The following SPATA31A1 variants were observed in gnomAD, a reference collection of about 807,000 sequenced individuals.
SPATA31A1 encodes spermatogenesis-associated protein 31A1.
For synonymous variants in SPATA31A1, 194 were observed against 573.4 expected (o/e 0.34, Z 9.45); for missense variants, 579 against 1,476.3 (o/e 0.39, Z 9.96).
chr9:39,358,668 T>A lies in SPATA31A1; in HGVS notation c.903T>A (p.His301Gln). ...TTAACTCATCAGTCCAGCAAGATCA[T>A]CTTTCCCGCCACCCACCAGAGACCT... Reference protein sequence around the residue: ...CAFNSSVQQDHLSRHPPETYQ... With the variant: ...CAFNSSVQQDQLSRHPPETYQ... Residue 301 changes from histidine to glutamine, a missense_variant, in exon 4 of 4, where the codon CAT becomes CAA. His to Gln is a conservative substitution (Grantham distance 24). Coordinates refer to ENST00000377647, the MANE Select transcript of SPATA31A1 (RefSeq NM_001085452.4). 6.2e-7 allele frequency: 1 copy of A among 1,608,672 alleles called. No individual in the cohort carries two copies. Among genetic ancestry groups the A allele is most frequent in the Non-Finnish European group, 8.5e-7 (1 of 1,179,788 alleles).
At chr9:39,357,707 G>A in intron 2 of SPATA31A1, 51 bp from the exon 3 acceptor site, 1 of 1,296,426 alleles carries the variant, frequency 7.7e-7, no homozygotes, top group South Asian at 1.2e-5. Context: ...AGCCTCCTGT[G>A]AGAACCCAGG....
Position 39,361,382 on chromosome 9 carries a change from C to G in SPATA31A1, c.3617C>G (p.Ala1206Gly). Residue 1206 changes from alanine (A) to glycine (G), a missense_variant, in exon 4 of 4, where the codon GCT (alanine) becomes GGT (glycine). Physicochemically the swap from Ala to Gly is moderately conservative, Grantham distance 60 (BLOSUM62 0). Transcript: ENST00000377647. ...TGTGTGTACAGCAGCAGTGCTGAAG[C>G]TCAGGGTCTCATGACGGCAGTTGGA... is the stretch of plus-strand genomic sequence containing the variant. Reference protein sequence around the residue: ...RSCVYSSSAEAQGLMTAVGQM... With the variant: ...RSCVYSSSAEGQGLMTAVGQM... The G allele has an allele frequency of 6.2e-7, 1 of 1,613,630 alleles. No individual in the cohort carries two copies. The highest frequency in any genetic ancestry group is 8.5e-7 in the Non-Finnish European group (1 of 1,179,856).
intron 2 of SPATA31A1, chr9:39,357,525 G>A (rs987741223): frequency 8.0e-5 from 47 of 589,608 alleles, no homozygotes; most frequent in Middle Eastern, 4.6e-4. Context: ...TCCCCACAGG[G>A]CAGTTGTGAG....
Position 39,358,335 on chromosome 9 carries a change from C to T in SPATA31A1, c.570C>T (p.Ser190=). The change falls in exon 4 of 4, where the codon TCC becomes TCT. Residue 190 remains serine, a synonymous_variant. Coordinates refer to ENST00000377647, the MANE Select transcript of SPATA31A1 (RefSeq NM_001085452.4). The part of the protein sequence containing the change: ...SLSASQPPEP[S]LPLEHPSPEP... ...GTGCCTCCCAGCCACCAGAACCTTCCCTTCCCCTAGAACACCCCTCACCCG... is the reference window on the plus strand; with the variant it reads ...GTGCCTCCCAGCCACCAGAACCTTCTCTTCCCCTAGAACACCCCTCACCCG... The T allele has an allele frequency of 5.2e-6, 8 of 1,533,346 alleles. No individual in the cohort carries two copies. Among genetic ancestry groups the T allele is most frequent in the South Asian group, 4.6e-5 (4 of 87,126 alleles). The allele number at this position is 1,533,346 out of a possible 1,614,324, so 95.0% of individuals were successfully genotyped here.
At position 39,361,137 on chromosome 9, in the gene SPATA31A1, G is replaced by T. The variant is rs200083894; in HGVS notation, c.3372G>T (p.Arg1124Ser). The T allele has an allele frequency of 2.3e-5, 37 of 1,611,224 alleles. 1 individual carries two copies. Among genetic ancestry groups the T allele is most frequent in the Non-Finnish European group, 2.9e-5 (34 of 1,179,722 alleles). ...CCAACTTAGAAAAACATGAAGAAAG[G>T]CTTGAAGGATTGAGGACTCCTCAAC... ...RKPNLEKHEERLEGLRTPQLT... is the reference protein window; with the variant it reads ...RKPNLEKHEESLEGLRTPQLT... The change falls in exon 4 of 4, where the codon AGG becomes AGT. Residue 1124 changes from arginine (R) to serine (S), a missense_variant. Coordinates refer to ENST00000377647, the MANE Select transcript of SPATA31A1 (RefSeq NM_001085452.4).
At position 39,358,650 on chromosome 9, in the gene SPATA31A1, A is replaced by C; in HGVS notation, c.885A>C (p.Ser295=). Residue 295 remains serine, a synonymous_variant, in exon 4 of 4, where the codon TCA becomes TCC. Coordinates refer to ENST00000377647, the MANE Select transcript of SPATA31A1 (RefSeq NM_001085452.4). ...ETARTSCAFN[S]SVQQDHLSRH... is the part of the protein sequence containing the mutation. ...CCAGAACCTCGTGCGCCTTTAACTC[A>C]TCAGTCCAGCAAGATCATCTTTCCC... 6.2e-7 allele frequency: 1 copy of C among 1,607,360 alleles called. No homozygotes were observed. Among genetic ancestry groups the C allele is most frequent in the Non-Finnish European group, 8.5e-7 (1 of 1,179,624 alleles).
rs975817184 is a variant in SPATA31A1 at position 39,360,789 on chromosome 9, G to T, written c.3024G>T (p.Glu1008Asp). Reference sequence around the variant, plus strand: ...CAAGAAAGCTGTGTCTTATGGAGGAGGTTGTTAATGAATTTGAGCCTGGAA... The same window carrying T: ...CAAGAAAGCTGTGTCTTATGGAGGATGTTGTTAATGAATTTGAGCCTGGAA... The part of the protein sequence containing the change: ...QDPRKLCLME[E>D]VVNEFEPGMA... Residue 1008 changes from glutamate to aspartate, a missense_variant, in exon 4 of 4, where the codon GAG (glutamate) becomes GAT (aspartate). Glu to Asp is a conservative substitution (Grantham distance 45). Coordinates refer to ENST00000377647, the MANE Select transcript of SPATA31A1 (RefSeq NM_001085452.4). 6.2e-7 allele frequency: 1 copy of T among 1,609,720 alleles called. No individual in the cohort carries two copies. The highest frequency in any genetic ancestry group is 1.7e-5 in the Admixed American group (1 of 59,912).
At position 39,361,861 on chromosome 9, in the gene SPATA31A1, C is replaced by T. The variant is rs1391245781; in HGVS notation, c.*52C>T. ...GCCTTCCCTGGAGAAAAAGAAGTCC[C>T]CAAGAAAAAATTCACTCTATGTAGA... On this transcript the variant is annotated 3_prime_UTR_variant, in exon 4 of 4. Coordinates refer to ENST00000377647, the MANE Select transcript of SPATA31A1 (RefSeq NM_001085452.4). 1.2e-6 allele frequency: 2 copies of T among 1,606,402 alleles called. No homozygotes were observed. The highest frequency in any genetic ancestry group is 1.7e-6 in the Non-Finnish European group (2 of 1,178,618).
At chr9:39,357,979 G>A in intron 3 of SPATA31A1, 95 bp from the exon 4 acceptor site, 4 of 1,596,970 alleles carry the variant, frequency 2.5e-6, no homozygotes, top group Non-Finnish European at 2.6e-6. Flanking sequence ...GGCAATCAGG[G>A]TGTGGGGTGG....
chr9:39,358,649 C>T lies in SPATA31A1; in HGVS notation c.884C>T (p.Ser295Leu). Residue 295 changes from serine to leucine, a missense_variant, in exon 4 of 4, where the codon TCA (serine) becomes TTA (leucine). By Grantham distance (145) the Ser-to-Leu change is moderately radical. Coordinates refer to ENST00000377647, the MANE Select transcript of SPATA31A1 (RefSeq NM_001085452.4). ...ETARTSCAFN[S>L]SVQQDHLSRH... ...GCCAGAACCTCGTGCGCCTTTAACTCATCAGTCCAGCAAGATCATCTTTCC... is the reference window on the plus strand; with the variant it reads ...GCCAGAACCTCGTGCGCCTTTAACTTATCAGTCCAGCAAGATCATCTTTCC... 1.2e-6 allele frequency: 2 copies of T among 1,607,710 alleles called. No individual in the cohort carries two copies. The highest frequency in any genetic ancestry group is 8.5e-7 in the Non-Finnish European group (1 of 1,179,726).
Position 39,361,378 on chromosome 9 carries a change from G to A in SPATA31A1, c.3613G>A (p.Glu1205Lys), listed in dbSNP as rs1823462870. The A allele has an allele frequency of 1.2e-6, 2 of 1,613,670 alleles. No individual in the cohort carries two copies. The highest frequency in any genetic ancestry group is 4.5e-5 in the East Asian group (2 of 44,874). ...ATCATGTGTGTACAGCAGCAGTGCT[G>A]AAGCTCAGGGTCTCATGACGGCAGT... is the stretch of plus-strand genomic sequence containing the variant. The part of the protein sequence containing the change: ...NRSCVYSSSA[E>K]AQGLMTAVGQ... Residue 1205 changes from glutamate to lysine, a missense_variant, in exon 4 of 4, where the codon GAA (glutamate) becomes AAA (lysine). Glu to Lys is a moderately conservative substitution (Grantham distance 56). Coordinates refer to ENST00000377647, the MANE Select transcript of SPATA31A1 (RefSeq NM_001085452.4).
chr9:39,358,734 T>G lies in SPATA31A1; in HGVS notation c.969T>G (p.Asp323Glu). Residue 323 changes from aspartate (D) to glutamate (E), a missense_variant, in exon 4 of 4, where the codon GAT becomes GAG. Physicochemically the swap from Asp to Glu is conservative, Grantham distance 45. Coordinates refer to ENST00000377647, the MANE Select transcript of SPATA31A1 (RefSeq NM_001085452.4). ...EAGSLFLLSS[D>E]GQNAVGIQVT... The stretch of plus-strand genomic sequence containing the variant: ...GTAGCCTGTTTTTGCTCAGCTCTGA[T>G]GGCCAGAATGCCGTGGGGATACAAG... 1 of 1,604,882 alleles carries G rather than the reference T, an allele frequency of 6.2e-7. No individual in the cohort carries two copies. Among genetic ancestry groups the G allele is most frequent in the Non-Finnish European group, 8.5e-7 (1 of 1,179,798 alleles).
rs1238017450 is a variant in SPATA31A1, at chr9:39,358,733, A to C, written c.968A>C (p.Asp323Ala). 2 of 1,604,844 alleles carry C rather than the reference A, an allele frequency of 1.2e-6. No homozygotes were observed. Among genetic ancestry groups the C allele is most frequent in the Admixed American group, 1.7e-5 (1 of 59,982 alleles). The change falls in exon 4 of 4, where the codon GAT becomes GCT. Residue 323 changes from aspartate to alanine, a missense_variant. Transcript: ENST00000377647. ...EAGSLFLLSS[D>A]GQNAVGIQVT... ...GGTAGCCTGTTTTTGCTCAGCTCTGATGGCCAGAATGCCGTGGGGATACAA... is the reference window on the plus strand; with the variant it reads ...GGTAGCCTGTTTTTGCTCAGCTCTGCTGGCCAGAATGCCGTGGGGATACAA...
chr9:39,361,220 C>T lies in SPATA31A1; in HGVS notation c.3455C>T (p.Pro1152Leu). ...THQDEGVQLL[P>L]SKKQPPSVSH... ...CAGGATGAAGGCGTCCAGCTACTGC[C>T]ATCAAAGAAACAGCCTCCTTCAGTA... Residue 1152 changes from proline (P) to leucine (L), a missense_variant, in exon 4 of 4, where the codon CCA becomes CTA. By Grantham distance (98) the Pro-to-Leu change is moderately conservative. Transcript: ENST00000377647. 6.2e-7 allele frequency: 1 copy of T among 1,611,504 alleles called. No homozygotes were observed.
chr9:39,357,928 A>G, intron 3 of SPATA31A1, 110 bp downstream of exon 3: 4 of 1,581,590 alleles, frequency 2.5e-6, no homozygotes, highest in Non-Finnish European at 3.4e-6. Context: ...GGTACAGAGG[A>G]TGGGAGTAAA....
intron 1 of SPATA31A1, among the ~76,000 whole-genome samples, chr9:39,356,662 G>A (rs1226625398): frequency 4.3e-5 from 1 of 23,448 alleles, no homozygotes; most frequent in East Asian, 4.5e-3. Context: ...GAGTGATATC[G>A]GCTCACTGCA....
At position 39,359,170 on chromosome 9, in the gene SPATA31A1, G is replaced by A; in HGVS notation, c.1405G>A (p.Ala469Thr). Residue 469 changes from alanine to threonine, a missense_variant, in exon 4 of 4, where the codon GCC (alanine) becomes ACC (threonine). Ala to Thr is a moderately conservative substitution (Grantham distance 58, BLOSUM62 0). Transcript: ENST00000377647. Reference sequence around the variant, plus strand: ...TACAATGTCCCCACTGCTTTTCCAGGCCCAGCCCCCGTCCCATCTGGGGCC... The same window carrying A: ...TACAATGTCCCCACTGCTTTTCCAGACCCAGCCCCCGTCCCATCTGGGGCC... The part of the protein sequence containing the change: ...ETTMSPLLFQ[A>T]QPPSHLGPEC... The A allele has an allele frequency of 1.2e-6, 2 of 1,611,712 alleles. No individual in the cohort carries two copies. Among genetic ancestry groups the A allele is most frequent in the Non-Finnish European group, 1.7e-6 (2 of 1,179,836 alleles).
chr9:39,357,984 G>A lies in SPATA31A1; in HGVS notation c.309-90G>A, dbSNP rs1319663467. On this transcript the variant is annotated intron_variant, in intron 3 of 3. Transcript: ENST00000377647. ...AGGAGAACTGGGCAATCAGGGTGTG[G>A]GGTGGTGGAGGGGCTGTGGCCCGAG... 1.4e-4 allele frequency: 226 copies of A among 1,593,796 alleles called. 1 individual carries two copies. The highest frequency in any genetic ancestry group is 1.9e-4 in the Non-Finnish European group (220 of 1,170,586).
At position 39,357,190 on chromosome 9, in the gene SPATA31A1, G is replaced by GT; in HGVS notation, c.247+2dup. On this transcript the variant is annotated splice_donor_variant, in intron 2 of 3. Coordinates refer to ENST00000377647, the MANE Select transcript of SPATA31A1 (RefSeq NM_001085452.4). LOFTEE classifies it high-confidence loss of function. ...AGGATGAAAAACCACAGTCTGAGAGGTAAGGCTCTGCCAGAGCACACTAGA... is the reference window on the plus strand; with the variant it reads ...AGGATGAAAAACCACAGTCTGAGAGGTTAAGGCTCTGCCAGAGCACACTAGA... The GT allele has an allele frequency of 1.2e-6, 2 of 1,607,238 alleles. No individual in the cohort carries two copies. The highest frequency in any genetic ancestry group is 1.7e-6 in the Non-Finnish European group (2 of 1,178,270).
Sources: gnomAD v4.1 joint callset for allele counts (sites outside exome capture counted in the v4.1 genomes callset) on GRCh38, gnomAD v4.1.1 for gene constraint, MANE v1.5 for transcripts, NCBI Gene and HGNC (gene_info 2026-07-23, HGNC 2026-07-21) for gene names.